The following PTPRM variants were observed in gnomAD, a reference collection of about 807,000 sequenced individuals.
PTPRM encodes protein tyrosine phosphatase receptor type M.
In PTPRM, 47 loss-of-function variants were observed where a neutral mutation model predicts 186.7. That is an observed-to-expected ratio of 0.25 (90% CI 0.20 to 0.32). The LOEUF is 0.32. Ranked by LOEUF, PTPRM falls within the 10% of genes least tolerant of loss-of-function variation. The probability of loss-of-function intolerance (pLI) is 1.00; values close to 1 mark genes in which losing one functional copy is unlikely to be tolerated. For synonymous variants in PTPRM, 668 were observed against 674.9 expected (o/e 0.99, Z 0.16); for missense variants, 1,494 against 1,865.0 (o/e 0.80, Z 3.66).
intron 2 of PTPRM, among the ~76,000 whole-genome samples, chr18:7,880,044 C>G (rs2048427032): frequency 6.6e-6 from 1 of 152,118 alleles, no homozygotes; most frequent in Non-Finnish European, 1.5e-5. Flanking sequence ...GGGGGGAAAG[C>G]CCCTTATAAA....
chr18:7,714,596 G>A (rs187805397), intron 1 of PTPRM, among the ~76,000 whole-genome samples: 22 of 151,634 alleles, frequency 1.5e-4, no homozygotes, highest in Admixed American at 1.1e-3. Flanking sequence ...TTTTTGGACA[G>A]ATCAACAAAA....
chr18:8,089,512 A>C (rs193107062), intron 11 of PTPRM, among the ~76,000 whole-genome samples: 2 of 152,280 alleles, frequency 1.3e-5, no homozygotes, highest in African/African-American at 4.8e-5. Flanking sequence ...ATAGCTCTGG[A>C]GTATCAACTT....
chr18:7,855,806 T>C (rs1431354568), intron 2 of PTPRM, among the ~76,000 whole-genome samples: 4 of 152,214 alleles, frequency 2.6e-5, no homozygotes, highest in Non-Finnish European at 5.9e-5. Context: ...GAGAGACATT[T>C]GTGTATCTTT....
chr18:7,677,734 G>A (rs1045388381), intron 1 of PTPRM, among the ~76,000 whole-genome samples: 5 of 151,992 alleles, frequency 3.3e-5, no homozygotes, highest in African/African-American at 1.2e-4. Context: ...TATTTCTCCT[G>A]CCTGAAATGC....
chr18:7,846,218 A>T (rs2046586948), intron 2 of PTPRM, among the ~76,000 whole-genome samples: 1 of 152,224 alleles, frequency 6.6e-6, no homozygotes, highest in Admixed American at 6.5e-5. Flanking sequence ...CGCCTGAAAT[A>T]GAATGAGGTG....
At chr18:8,210,367 G>C (rs1334164926) in intron 14 of PTPRM, among the ~76,000 whole-genome samples, 1 of 152,122 alleles carries the variant, frequency 6.6e-6, no homozygotes, top group Admixed American at 6.5e-5. Context: ...AATGTGAAGA[G>C]ACACGGGGAG....
chr18:8,390,959 TAATAATAATAAA>T (rs1278890778), intron 31 of PTPRM, among the ~76,000 whole-genome samples: 9 of 144,042 alleles, frequency 6.2e-5, no homozygotes, highest in African/African-American at 2.2e-4. Flanking sequence ...ATAATAATAA[TAATAATAATAAA>T]GATGTCCCGA....
At position 8,069,187 on chromosome 18, in the gene PTPRM, T is replaced by C. The variant is rs1421937939; in HGVS notation, c.1133-499T>C. On this transcript the variant is annotated intron_variant, in intron 7 of 32. Transcript: ENST00000580170. ...CAGAGAAAAAGAGGCTTAAGTAAGATAGCATTTAATTTTTCCTAATGACAA... is the reference window on the plus strand; with the variant it reads ...CAGAGAAAAAGAGGCTTAAGTAAGACAGCATTTAATTTTTCCTAATGACAA... 2.0e-5 allele frequency among the ~76,000 whole-genome samples: 3 copies of C among 150,568 alleles called. No individual in the cohort carries two copies. The East Asian group carries it at 5.9e-4, about 30-fold the overall frequency.
At chr18:7,962,931 G>C (rs573272569) in intron 7 of PTPRM, among the ~76,000 whole-genome samples, 1 of 152,146 alleles carries the variant, frequency 6.6e-6, no homozygotes, top group African/African-American at 2.4e-5. Context: ...GCTGTTATTC[G>C]GAAGGCATAA....
chr18:8,063,169 T>C (rs1164697967), intron 7 of PTPRM, among the ~76,000 whole-genome samples: 1 of 151,054 alleles, frequency 6.6e-6, no homozygotes, highest in Admixed American at 6.6e-5. Context: ...GGTGCGCCGT[T>C]TTTTAAGCCG....
At chr18:8,281,303 G>GGAC (rs2094901155) in intron 19 of PTPRM, among the ~76,000 whole-genome samples, 1 of 152,192 alleles carries the variant, frequency 6.6e-6, no homozygotes, top group African/African-American at 2.4e-5. Context: ...CATCCTGGCA[G>GGAC]ATCCACTGGG....
intron 7 of PTPRM, among the ~76,000 whole-genome samples, chr18:7,958,674 C>T (rs2053475179): frequency 1.3e-5 from 2 of 152,170 alleles, no homozygotes; most frequent in Admixed American, 1.3e-4. Context: ...GATATTTCTA[C>T]CCTGAAAGCC....
intron 13 of PTPRM, among the ~76,000 whole-genome samples, chr18:8,131,813 T>C (rs2092516762): frequency 6.6e-6 from 1 of 152,216 alleles, no homozygotes; most frequent in South Asian, 2.1e-4. Context: ...ATGCTGTTTT[T>C]CTGTTTAGAG....
chr18:7,829,192 C>G (rs2045638915), intron 2 of PTPRM, among the ~76,000 whole-genome samples: 1 of 152,142 alleles, frequency 6.6e-6, no homozygotes, highest in South Asian at 2.1e-4. Context: ...TGGTTCAAAG[C>G]ACTTCTGTTG....
chr18:8,367,550 C>T (rs111544930), intron 23 of PTPRM, among the ~76,000 whole-genome samples: 283 of 152,384 alleles, frequency 1.9e-3, no homozygotes, highest in African/African-American at 6.1e-3. Flanking sequence ...GAAGCCCTGG[C>T]GGCTGCTGCC....
intron 23 of PTPRM, among the ~76,000 whole-genome samples, chr18:8,369,107 G>T (rs997143297): frequency 6.6e-6 from 1 of 152,196 alleles, no homozygotes; most frequent in Non-Finnish European, 1.5e-5. Flanking sequence ...AAGGAATGGT[G>T]CGAGTAGGAG....
intron 7 of PTPRM, among the ~76,000 whole-genome samples, chr18:8,056,563 G>A (rs939615356): frequency 3.0e-4 from 45 of 151,986 alleles, no homozygotes; most frequent in African/African-American, 1.1e-3. Context: ...TGGAGGTTGT[G>A]GTTAGCTGAG....
At chr18:8,085,583 G>C (rs1359641268) in intron 9 of PTPRM, 88 bp from the exon 10 acceptor site, 1 of 1,125,446 alleles carries the variant, frequency 8.9e-7, no homozygotes, top group African/African-American at 1.5e-5. Flanking sequence ...GTGTCTGACA[G>C]TGCATACATC....
At chr18:7,985,166 T>C (rs1298057797) in intron 7 of PTPRM, among the ~76,000 whole-genome samples, 1 of 128,130 alleles carries the variant, frequency 7.8e-6, no homozygotes, top group African/African-American at 3.0e-5. Flanking sequence ...CATATAAATA[T>C]ATACATATAA....
Sources: allele counts gnomAD v4.1 joint callset (sites outside exome capture counted in the v4.1 genomes callset), GRCh38; gene constraint gnomAD v4.1.1; transcripts MANE v1.5; gene names NCBI Gene and HGNC (gene_info 2026-07-23, HGNC 2026-07-21).